Variants in TMCC1 observed in about 807,000 individuals in gnomAD.
TMCC1 encodes transmembrane and coiled-coil domains protein 1.
TMCC1 carries 15 observed loss-of-function variants against 52.4 expected under a neutral mutation model. The ratio of observed to expected loss-of-function variants is 0.29; its 90% CI spans 0.19 to 0.44. The LOEUF is 0.44. Ranked by LOEUF, TMCC1 falls within the 20% of genes least tolerant of loss-of-function variation. TMCC1 has a pLI of 1.00. For synonymous variants in TMCC1, 279 were observed against 301.9 expected (o/e 0.92, Z 0.79); for missense variants, 503 against 806.0 (o/e 0.62, Z 4.55).
chr3:129,750,807 C>T (rs2052440620), intron 4 of TMCC1, among the ~76,000 whole-genome samples: 2 of 149,450 alleles, frequency 1.3e-5, no homozygotes, highest in Admixed American at 1.3e-4. Flanking sequence ...GATCTCCTGA[C>T]CTTGTGATCC....
intron 2 of TMCC1, among the ~76,000 whole-genome samples, chr3:129,833,417 AAGATT>A (rs1450145300): frequency 6.6e-6 from 1 of 152,110 alleles, no homozygotes; most frequent in Admixed American, 6.5e-5. Context: ...ACAATTTTTA[AAGATT>A]AGCCAGGCAT....
At chr3:129,785,644 T>C (rs2107736299) in intron 4 of TMCC1, among the ~76,000 whole-genome samples, 1 of 152,214 alleles carries the variant, frequency 6.6e-6, no homozygotes, top group East Asian at 1.9e-4. Flanking sequence ...GTGTTGTTTA[T>C]ACCATGTAGA....
intron 4 of TMCC1, among the ~76,000 whole-genome samples, chr3:129,687,661 C>G (rs1412288926): frequency 3.9e-5 from 6 of 152,102 alleles, no homozygotes; most frequent in Non-Finnish European, 8.8e-5. Flanking sequence ...CAAAGAGATA[C>G]AGCATTCACA....
chr3:129,665,860 G>A (rs1293697736), intron 5 of TMCC1, among the ~76,000 whole-genome samples: 3 of 152,122 alleles, frequency 2.0e-5, no homozygotes, highest in Non-Finnish European at 4.4e-5. Flanking sequence ...TACCTGTAGG[G>A]CCTACTGTGA....
intron 4 of TMCC1, among the ~76,000 whole-genome samples, chr3:129,744,882 T>C (rs570321109): frequency 1.3e-5 from 2 of 152,342 alleles, no homozygotes; most frequent in African/African-American, 4.8e-5. Flanking sequence ...TTACAAAGCC[T>C]ATCTGTGCCT....
At chr3:129,888,318 A>G (rs754708847) in intron 1 of TMCC1, among the ~76,000 whole-genome samples, 1 of 152,246 alleles carries the variant, frequency 6.6e-6, no homozygotes, top group Non-Finnish European at 1.5e-5. Flanking sequence ...AGAAACATAT[A>G]TAGATATGTG....
chr3:129,689,788 T>C (rs2089661920), intron 4 of TMCC1, among the ~76,000 whole-genome samples: 1 of 152,196 alleles, frequency 6.6e-6, no homozygotes, highest in Non-Finnish European at 1.5e-5. Flanking sequence ...AGAAATTCCT[T>C]TTCCATCTCT....
intron 2 of TMCC1, among the ~76,000 whole-genome samples, chr3:129,858,312 T>G (rs577917265): frequency 7.2e-5 from 11 of 152,322 alleles, no homozygotes; most frequent in Admixed American, 4.6e-4. Flanking sequence ...ACGAAAAAAT[T>G]AGAATCAGTC....
chr3:129,831,364 A>C (rs2058903325), intron 3 of TMCC1, among the ~76,000 whole-genome samples: 1 of 152,208 alleles, frequency 6.6e-6, no homozygotes, highest in Non-Finnish European at 1.5e-5. Flanking sequence ...AAGAATAAGC[A>C]ACAAAACAGT....
chr3:129,662,216 G>T (rs1560134430), intron 5 of TMCC1, among the ~76,000 whole-genome samples: 1 of 152,058 alleles, frequency 6.6e-6, no homozygotes, highest in East Asian at 1.9e-4. Flanking sequence ...AATCATACAA[G>T]AACAGTCATG....
At chr3:129,709,432 T>G (rs1410715029) in intron 4 of TMCC1, among the ~76,000 whole-genome samples, 3 of 125,418 alleles carry the variant, frequency 2.4e-5, no homozygotes, top group Non-Finnish European at 4.7e-5. Flanking sequence ...GCTGAGATTG[T>G]GCCACTGTAC....
At chr3:129,816,061 T>C (rs2058080327) in intron 4 of TMCC1, among the ~76,000 whole-genome samples, 1 of 152,256 alleles carries the variant, frequency 6.6e-6, no homozygotes, top group Non-Finnish European at 1.5e-5. Context: ...CCAGTTAGAA[T>C]GGCTTTTATC....
intron 4 of TMCC1, among the ~76,000 whole-genome samples, chr3:129,724,960 C>CGGCCGGGCGCGGTGGCTCACGCCTGT (rs1247325428): frequency 6.6e-6 from 1 of 152,120 alleles, no homozygotes; most frequent in East Asian, 1.9e-4. Flanking sequence ...AAAAACTTTT[C>CGGCCGGGCGCGGTGGCTCACGCCTGT]AAGATACACT....
chr3:129,870,858 T>C (rs949012117), intron 2 of TMCC1, among the ~76,000 whole-genome samples: 5 of 150,638 alleles, frequency 3.3e-5, no homozygotes, highest in Admixed American at 6.7e-5. Flanking sequence ...CCTTTTAAAA[T>C]GTAACATCCA....
chr3:129,731,636 T>C (rs1165583828), intron 4 of TMCC1, among the ~76,000 whole-genome samples: 1 of 139,262 alleles, frequency 7.2e-6, no homozygotes, highest in African/African-American at 2.8e-5. Context: ...AACTTCATCA[T>C]TTTTTTTTTT....
chr3:129,753,730 T>C (rs1176811823), intron 4 of TMCC1, among the ~76,000 whole-genome samples: 1 of 152,100 alleles, frequency 6.6e-6, no homozygotes, highest in Non-Finnish European at 1.5e-5. Context: ...GAAAAACCTA[T>C]AGCTGACATC....
rs1223515485 is a variant in TMCC1 at position 129,866,323 on chromosome 3, CATATATACATAATATATATT to C, written c.-184+13966_-184+13985del. On this transcript the variant is annotated intron_variant, in intron 2 of 6. Coordinates refer to ENST00000393238, the MANE Select transcript of TMCC1 (RefSeq NM_001017395.5). Reference sequence around the variant, plus strand: ...ATAATATATACATATATTATATATACATATATACATAATATATATTATATATACATAATATATATTTTATA... The same window carrying C: ...ATAATATATACATATATTATATATACATATATACATAATATATATTTTATA... 3.1e-3 allele frequency among the ~76,000 whole-genome samples: 432 copies of C among 138,568 alleles called. 1 individual carries two copies. Among genetic ancestry groups the C allele is most frequent in the Middle Eastern group, 0.011 (3 of 262 alleles). 90.9% of individuals were successfully genotyped at this position (138,568 alleles called of 152,430 possible).
At chr3:129,744,671 A>G (rs1413696892) in intron 4 of TMCC1, among the ~76,000 whole-genome samples, 1 of 152,210 alleles carries the variant, frequency 6.6e-6, no homozygotes, top group South Asian at 2.1e-4. Flanking sequence ...CCAATCATAC[A>G]TATTTAATAT....
chr3:129,708,026 T>G (rs558271125), intron 4 of TMCC1, among the ~76,000 whole-genome samples: 1 of 152,050 alleles, frequency 6.6e-6, no homozygotes, highest in East Asian at 1.9e-4. Context: ...AAAAAAAAAG[T>G]CCTAATTAAA....
Sources: gnomAD v4.1 joint callset for allele counts (sites outside exome capture counted in the v4.1 genomes callset) on GRCh38, gnomAD v4.1.1 for gene constraint, MANE v1.5 for transcripts, NCBI Gene and HGNC (gene_info 2026-07-23, HGNC 2026-07-21) for gene names.